The following PABPC4 variants were observed in gnomAD, a reference collection of about 807,000 sequenced individuals.
PABPC4 encodes polyadenylate-binding protein 4.
A neutral mutation model predicts 74.5 loss-of-function variants in PABPC4; 15 were observed. That is an observed-to-expected ratio of 0.20 (90% CI 0.13 to 0.31). PABPC4 has a LOEUF of 0.31. Ranked by LOEUF, PABPC4 falls within the 10% of genes least tolerant of loss-of-function variation. PABPC4 has a pLI of 1.00. For synonymous variants in PABPC4, 345 were observed against 303.0 expected, an observed-to-expected ratio of 1.14 and a Z score of -1.44; for missense variants, 610 against 853.5, an observed-to-expected ratio of 0.71 and a Z score of 3.55.
intron 14 of PABPC4, 51 bp downstream of exon 14, chr1:39,562,022 C>T (rs751249081): frequency 1.3e-6 from 2 of 1,592,504 alleles, no homozygotes; most frequent in East Asian, 2.2e-5. Context: ...AGTTTGCCCC[C>T]AGTCTTCCCA....
In PABPC4 at chr1:39,565,197, CGTTGCATATACTG is replaced by C; in HGVS notation, c.1141_1153del (p.Gln381GlufsTer5). ...AGGAAGTGCTCTCATTCCAGCCACT[CGTTGCATATACTG>C]GTTGGTCAGGTGAGCCTTTCTCTCT... On this transcript the variant is annotated frameshift_variant, in exon 8 of 16. Transcript: ENST00000372858. LOFTEE classifies it high-confidence loss of function. The C allele has an allele frequency of 6.2e-7, 1 of 1,614,168 alleles. No homozygotes were observed.
chr1:39,564,724 C>T lies in PABPC4; in HGVS notation c.1295G>A (p.Arg432Lys), dbSNP rs769785246. ...ACCTTGCTGCCAGCGTGGATTAGGC[C>T]TCATCTGTGCTAACTGGTTAGGTGT... Reference protein sequence around the residue: ...YYTPNQLAQMRPNPRWQQGGR... With the variant: ...YYTPNQLAQMKPNPRWQQGGR... The change falls in exon 9 of 16, where the codon AGG (arginine) becomes AAG (lysine). Residue 432 changes from arginine (R) to lysine (K), a missense_variant. Arg to Lys is a conservative substitution (Grantham distance 26, BLOSUM62 2). Coordinates refer to ENST00000372858, the MANE Select transcript of PABPC4 (RefSeq NM_001135653.2). 8.1e-6 allele frequency: 13 copies of T among 1,614,040 alleles called. No homozygotes were observed. In the East Asian group the frequency reaches 2.9e-4, roughly 36 times the overall value.
chr1:39,572,824 C>T, intron 1 of PABPC4: 1 of 447,502 alleles, frequency 2.2e-6, no homozygotes, highest in Non-Finnish European at 4.0e-6. Context: ...GGTCTGTGCC[C>T]TTGTTGGATA....
intron 2 of PABPC4, among the ~76,000 whole-genome samples, chr1:39,571,911 G>A (rs1031598168): frequency 6.6e-6 from 1 of 152,124 alleles, no homozygotes; most frequent in Admixed American, 6.5e-5. Flanking sequence ...AGAGATCTGG[G>A]TGCAAACCAC....
rs569466243 is a variant in PABPC4, at chr1:39,567,614, A to G, written c.972+137T>C. On this transcript the variant is annotated intron_variant, in intron 7 of 15. Coordinates refer to ENST00000372858, the MANE Select transcript of PABPC4 (RefSeq NM_001135653.2). ...AAATGTCATTCTCCAGAATGCATCC[A>G]GAAATTTTGCTAGAAAAACGTAGTA... The G allele has an allele frequency of 7.1e-6, 5 of 700,292 alleles. No homozygotes were observed. In the East Asian group the frequency reaches 1.3e-4, roughly 18 times the overall value. The allele number at this position is 700,292 out of a possible 1,614,324, so 43.4% of individuals were successfully genotyped here. A position where few individuals can be genotyped will look rare whatever the true frequency, so the allele number is the denominator to read the frequency against.
intron 3 of PABPC4, 155 bp downstream of exon 3, chr1:39,571,079 T>C (rs1353691802): frequency 7.2e-6 from 11 of 1,519,312 alleles, no homozygotes; most frequent in Non-Finnish European, 8.8e-6. Flanking sequence ...CTGCCACGGC[T>C]CAGGCAGGGA....
At chr1:39,570,157 G>A (rs1570391871) in intron 3 of PABPC4, among the ~76,000 whole-genome samples, 155 bp from the exon 4 acceptor site, 1 of 152,202 alleles carries the variant, frequency 6.6e-6, no homozygotes, top group Non-Finnish European at 1.5e-5. Flanking sequence ...CAAGTCCCCA[G>A]CAGAAAGAGA....
At chr1:39,561,244 T>C (rs1645764700) in intron 15 of PABPC4, 122 bp from the exon 16 acceptor site, 1 of 423,174 alleles carries the variant, frequency 2.4e-6, no homozygotes, top group Non-Finnish European at 4.8e-6. Flanking sequence ...TATTGACACT[T>C]TGGACATTCT....
chr1:39,575,221 GTC>G (rs994010514), intron 1 of PABPC4, among the ~76,000 whole-genome samples: 1 of 152,200 alleles, frequency 6.6e-6, no homozygotes, highest in African/African-American at 2.4e-5. Context: ...ACTAACCTAA[GTC>G]TCTGCGAAAG....
Position 39,568,796 on chromosome 1 carries a change from C to T in PABPC4, c.876+6G>A, listed in dbSNP as rs780480248. On this transcript the variant is annotated splice_donor_region_variant and intron_variant, in intron 6 of 15. Coordinates refer to ENST00000372858, the MANE Select transcript of PABPC4 (RefSeq NM_001135653.2). ...CCATTGCTAGGCTGGGCCAAGACCACCTTACCTGATATCGACTAATTCTCT... is the reference window on the plus strand; with the variant it reads ...CCATTGCTAGGCTGGGCCAAGACCATCTTACCTGATATCGACTAATTCTCT... 55 of 1,612,710 alleles carry T rather than the reference C, an allele frequency of 3.4e-5. No homozygotes were observed. Among genetic ancestry groups the T allele is most frequent in the Non-Finnish European group, 4.7e-5 (55 of 1,179,622 alleles).
intron 15 of PABPC4, 152 bp from the exon 16 acceptor site, chr1:39,561,274 G>A: frequency 2.7e-6 from 1 of 375,980 alleles, no homozygotes; most frequent in East Asian, 7.2e-5. Flanking sequence ...GTCCTCCTGT[G>A]TACTGTACAA....
chr1:39,567,810 T>C lies in PABPC4; in HGVS notation c.913A>G (p.Ile305Val), dbSNP rs1369867791. Residue 305 changes from isoleucine (I) to valine (V), a missense_variant, in exon 7 of 16, where the codon ATT becomes GTT. Coordinates refer to ENST00000372858, the MANE Select transcript of PABPC4 (RefSeq NM_001135653.2). ...NLYIKNLDDT[I>V]DDEKLRKEFS... ...TCTTTCCTTAATTTCTCATCATCAATAGTGTCATCCAAGTTCTTAATGTAG... is the reference window on the plus strand; with the variant it reads ...TCTTTCCTTAATTTCTCATCATCAACAGTGTCATCCAAGTTCTTAATGTAG... 5 of 1,599,786 alleles carry C rather than the reference T, an allele frequency of 3.1e-6. No homozygotes were observed. The highest frequency in any genetic ancestry group is 4.3e-6 in the Non-Finnish European group (5 of 1,166,972).
chr1:39,565,006 C>A, intron 8 of PABPC4, 100 bp downstream of exon 8: 1 of 1,292,346 alleles, frequency 7.7e-7, no homozygotes, highest in South Asian at 1.3e-5. Flanking sequence ...CTTATTGTGA[C>A]ATTCTAGAAC....
rs752608482 is a variant in PABPC4 at position 39,569,860 on chromosome 1, T to C, written c.643+3A>G. 6.2e-7 allele frequency: 1 copy of C among 1,613,878 alleles called. No homozygotes were observed. The highest frequency in any genetic ancestry group is 1.1e-5 in the South Asian group (1 of 91,080). ...TGAAAGGAGACAAGGAACCCCAACT[T>C]ACCAAACTGACTGAATAGCTCTTTC... On this transcript the variant is annotated splice_donor_region_variant and intron_variant, in intron 4 of 15. Coordinates refer to ENST00000372858, the MANE Select transcript of PABPC4 (RefSeq NM_001135653.2).
chr1:39,569,507 C>G, intron 5 of PABPC4, 88 bp downstream of exon 5: 1 of 889,930 alleles, frequency 1.1e-6, no homozygotes, highest in South Asian at 1.3e-5. Flanking sequence ...CTCAGACCGT[C>G]CCAGCTCTAG....
chr1:39,569,870 A>C lies in PABPC4; in HGVS notation c.636T>G (p.Ser212Arg), dbSNP rs187106087. Reference sequence around the variant, plus strand: ...CAAGGAACCCCAACTTACCAAACTGACTGAATAGCTCTTTCAGACTCTCAT... The same window carrying C: ...CAAGGAACCCCAACTTACCAAACTGCCTGAATAGCTCTTTCAGACTCTCAT... Reference protein sequence around the residue: ...VDDESLKELFSQFGKTLSVKV... With the variant: ...VDDESLKELFRQFGKTLSVKV... The change falls in exon 4 of 16, where the codon AGT (serine) becomes AGG (arginine). Residue 212 changes from serine to arginine, a missense_variant. Ser to Arg is a moderately radical substitution (Grantham distance 110). This residue lies in a region of PABPC4 where 304 missense variants were observed against 478.9 expected (regional missense o/e 0.63). Coordinates refer to ENST00000372858, the MANE Select transcript of PABPC4 (RefSeq NM_001135653.2). 54 of 1,613,914 alleles carry C rather than the reference A, an allele frequency of 3.3e-5. No individual in the cohort carries two copies. The highest frequency in any genetic ancestry group is 4.6e-5 in the Non-Finnish European group (54 of 1,179,938).
chr1:39,565,223 A>G lies in PABPC4; in HGVS notation c.1128T>C (p.Ala376=), dbSNP rs1448506303. The G allele has an allele frequency of 5.0e-6, 8 of 1,614,172 alleles. No individual in the cohort carries two copies. Among genetic ancestry groups the G allele is most frequent in the Non-Finnish European group, 6.8e-6 (8 of 1,180,040 alleles). ...ALAQRKEERK[A]HLTNQYMQRV... is the part of the protein sequence containing the mutation. ...GTTGCATATACTGGTTGGTCAGGTGAGCCTTTCTCTCTTCCTTCCTCTGGG... is the reference window on the plus strand; with the variant it reads ...GTTGCATATACTGGTTGGTCAGGTGGGCCTTTCTCTCTTCCTTCCTCTGGG... The change falls in exon 8 of 16, where the codon GCT becomes GCC. Residue 376 remains alanine, a synonymous_variant. Transcript: ENST00000372858.
chr1:39,561,873 C>T, intron 14 of PABPC4, 86 bp from the exon 15 acceptor site: 1 of 1,288,346 alleles, frequency 7.8e-7, no homozygotes, highest in Admixed American at 1.9e-5. Flanking sequence ...GGACCAAAGC[C>T]AACTGTACAG....
rs1459939719 is a variant in PABPC4, at chr1:39,560,856, T to A, written c.*280A>T. The A allele has an allele frequency of 5.0e-6, 1 of 200,342 alleles. No individual in the cohort carries two copies. The highest frequency in any genetic ancestry group is 1.1e-4 in the East Asian group (1 of 8,878). The allele number at this position is 200,342 out of a possible 1,614,324, so 12.4% of individuals were successfully genotyped here. ...TTTTCTTTATTGGGAAACGTAAGAC[T>A]TGGGTACATCAAATAAAACCAATTT... On this transcript the variant is annotated 3_prime_UTR_variant, in exon 16 of 16. Coordinates refer to ENST00000372858, the MANE Select transcript of PABPC4 (RefSeq NM_001135653.2).
Sources: allele counts gnomAD v4.1 joint callset (sites outside exome capture counted in the v4.1 genomes callset), GRCh38; gene constraint gnomAD v4.1.1; regional missense constraint gnomAD v4.1.1; transcripts MANE v1.5; gene names NCBI Gene and HGNC (gene_info 2026-07-23, HGNC 2026-07-21).